Variants in SETD2 observed in about 807,000 individuals in gnomAD.
The protein encoded by SETD2 is histone-lysine N-methyltransferase SETD2.
SETD2 carries 31 observed loss-of-function variants against 242.1 expected under a neutral mutation model. The observed-to-expected ratio is 0.13, with a 90% confidence interval of 0.10 to 0.17. SETD2 has a LOEUF of 0.17. Ranked by LOEUF, SETD2 falls within the 10% of genes least tolerant of loss-of-function variation. The pLI, the probability that SETD2 is intolerant of heterozygous loss-of-function variation, is 1.00. For synonymous variants in SETD2, 1,006 were observed against 1,066.5 expected (o/e 0.94, Z 1.11); for missense variants, 2,481 against 3,046.3 (o/e 0.81, Z 4.37).
intron 12 of SETD2, among the ~76,000 whole-genome samples, chr3:47,083,236 A>G (rs1245805711): frequency 2.6e-5 from 4 of 152,234 alleles, no homozygotes; most frequent in African/African-American, 9.6e-5. Context: ...TTCAGAAACA[A>G]TAATAGAAGT....
chr3:47,124,664 A>G (rs1425741424), intron 2 of SETD2, 116 bp from the exon 3 acceptor site: 2 of 881,500 alleles, frequency 2.3e-6, no homozygotes, highest in Non-Finnish European at 1.7e-6. Context: ...AACAAATAGT[A>G]TGAATTTCAC....
At chr3:47,037,439 T>C (rs985766506) in intron 18 of SETD2, among the ~76,000 whole-genome samples, 1 of 151,944 alleles carries the variant, frequency 6.6e-6, no homozygotes, top group South Asian at 2.1e-4. Context: ...GTTTCATCCA[T>C]GTCCCTACAA....
chr3:47,145,395 G>C (rs750884587), intron 1 of SETD2: 3 of 259,486 alleles, frequency 1.2e-5, no homozygotes, highest in South Asian at 3.8e-5. Flanking sequence ...CCTGTGTTTT[G>C]TTTTTGTTTT....
intron 18 of SETD2, among the ~76,000 whole-genome samples, 156 bp from the exon 19 acceptor site, chr3:47,019,996 G>C (rs761789377): frequency 6.6e-6 from 1 of 152,094 alleles, no homozygotes; most frequent in Non-Finnish European, 1.5e-5. Context: ...ACAAGGCCTG[G>C]AGTCAACTTG....
chr3:47,117,566 G>A (rs1345630248), intron 3 of SETD2, among the ~76,000 whole-genome samples: 1 of 152,122 alleles, frequency 6.6e-6, no homozygotes, highest in East Asian at 1.9e-4. Context: ...AGGGAGAAAA[G>A]GGGTTTCTAA....
At chr3:47,129,010 C>G (rs2043415767) in intron 1 of SETD2, among the ~76,000 whole-genome samples, 1 of 152,024 alleles carries the variant, frequency 6.6e-6, no homozygotes, top group African/African-American at 2.4e-5. Flanking sequence ...CTCAGCAGTT[C>G]TATTTTGGAC....
chr3:47,147,941 A>G (rs1391184587), intron 1 of SETD2, among the ~76,000 whole-genome samples: 1 of 148,062 alleles, frequency 6.8e-6, no homozygotes, highest in African/African-American at 2.5e-5. Flanking sequence ...AAAAAAAAAG[A>G]TATTTTCTTT....
intron 15 of SETD2, among the ~76,000 whole-genome samples, chr3:47,054,802 C>A (rs1449971601): frequency 3.3e-5 from 5 of 152,052 alleles, no homozygotes; most frequent in African/African-American, 9.7e-5. Flanking sequence ...TAAATGACTA[C>A]CCCCAGTAAA....
Position 47,120,449 on chromosome 3 carries a change from T to C in SETD2, c.4187A>G (p.Asn1396Ser), listed in dbSNP as rs781155076. 64 of 1,612,834 alleles carry C rather than the reference T, an allele frequency of 4.0e-5. No individual in the cohort carries two copies. The highest frequency in any genetic ancestry group is 5.2e-5 in the Non-Finnish European group (61 of 1,179,596). ...AAGAGGCCCTCTATCTTTGATATCA[T>C]TTTTTTCTAAGTTTTTTGAAAAATC... is the stretch of plus-strand genomic sequence containing the variant. ...KKDFSKNLEKNDIKDRGPLKK... is the reference protein window; with the variant it reads ...KKDFSKNLEKSDIKDRGPLKK... Residue 1396 changes from asparagine (N) to serine (S), a missense_variant, in exon 3 of 21, where the codon AAT (asparagine) becomes AGT (serine). Transcript: ENST00000409792.
At chr3:47,146,781 T>C (rs2043865923) in intron 1 of SETD2, among the ~76,000 whole-genome samples, 1 of 151,472 alleles carries the variant, frequency 6.6e-6, no homozygotes, top group South Asian at 2.1e-4. Flanking sequence ...TACAAAAAAA[T>C]TTTAGAATTA....
chr3:47,059,396 G>A (rs1341034477), intron 14 of SETD2, among the ~76,000 whole-genome samples: 7 of 148,344 alleles, frequency 4.7e-5, no homozygotes, highest in Admixed American at 1.3e-4. Flanking sequence ...GATTATAGGC[G>A]TGAGCCACTG....
At chr3:47,115,516 T>C (rs1575801063) in intron 4 of SETD2, among the ~76,000 whole-genome samples, 1 of 152,154 alleles carries the variant, frequency 6.6e-6, no homozygotes, top group East Asian at 1.9e-4. Context: ...ATATATATTT[T>C]ATTTTTGCAA....
chr3:47,098,956 A>C (rs987676746), intron 8 of SETD2, among the ~76,000 whole-genome samples: 3 of 152,170 alleles, frequency 2.0e-5, no homozygotes, highest in African/African-American at 7.2e-5. Context: ...CAGAGAGGAC[A>C]ATACAAGCAC....
intron 13 of SETD2, 21 bp from the exon 14 acceptor site, chr3:47,062,367 GTTTGTT>G (rs910208808): frequency 2.8e-6 from 4 of 1,413,452 alleles, no homozygotes; most frequent in African/African-American, 2.2e-5. Context: ...AGGGTGGTTT[GTTTGTT>G]TTTTTTTTTT....
rs544303345 is a variant in SETD2, at chr3:47,016,850, T to C, written c.*243A>G. The C allele has an allele frequency of 2.0e-5, 10 of 494,878 alleles. No homozygotes were observed. The highest frequency in any genetic ancestry group is 7.6e-5 in the African/African-American group (4 of 52,564). The allele number at this position is 494,878 out of a possible 1,614,324, so 30.7% of individuals were successfully genotyped here. A position where few individuals can be genotyped will look rare whatever the true frequency, so the allele number is the denominator to read the frequency against. The stretch of plus-strand genomic sequence containing the variant: ...GTGGAGTCAGGTCTGGCCAGGGTCT[T>C]TTCTAAGCCCTTGCACCTCTGATGG... On this transcript the variant is annotated 3_prime_UTR_variant, in exon 21 of 21. Transcript: ENST00000409792.
chr3:47,124,943 G>T (rs1414253671), intron 2 of SETD2, among the ~76,000 whole-genome samples: 1 of 152,132 alleles, frequency 6.6e-6, no homozygotes, highest in African/African-American at 2.4e-5. Flanking sequence ...AATATGGTTT[G>T]TTCTTGTGTT....
intron 18 of SETD2, among the ~76,000 whole-genome samples, chr3:47,026,702 G>A (rs1039853525): frequency 2.2e-4 from 23 of 103,218 alleles, no homozygotes; most frequent in Non-Finnish European, 3.8e-4. Context: ...AATAACACAA[G>A]AGAACACAAA....
chr3:47,033,304 C>G (rs2038857133), intron 18 of SETD2, among the ~76,000 whole-genome samples: 1 of 152,224 alleles, frequency 6.6e-6, no homozygotes, highest in Non-Finnish European at 1.5e-5. Flanking sequence ...TCAAATGCCA[C>G]TTTCTCACAA....
chr3:47,125,687 G>C (rs550021086), intron 2 of SETD2, among the ~76,000 whole-genome samples: 1 of 152,276 alleles, frequency 6.6e-6, no homozygotes, highest in South Asian at 2.1e-4. Flanking sequence ...TGCTGTATAA[G>C]CAACAGTTAC....
Sources: allele counts gnomAD v4.1 joint callset (sites outside exome capture counted in the v4.1 genomes callset), GRCh38; gene constraint gnomAD v4.1.1; transcripts MANE v1.5; gene names NCBI Gene and HGNC (gene_info 2026-07-23, HGNC 2026-07-21).